Variants in HSPA6 observed in about 807,000 individuals in gnomAD.
The protein encoded by HSPA6 is heat shock 70 kDa protein 6.
For missense variants in HSPA6, 718 were observed against 860.9 expected, an observed-to-expected ratio of 0.83 and a Z score of 2.08; for synonymous variants, 312 against 368.2, an observed-to-expected ratio of 0.85 and a Z score of 1.75.
In HSPA6 at chr1:161,526,150, G is replaced by A; in HGVS notation, c.1492G>A (p.Gly498Ser). The change falls in exon 1 of 1, where the codon GGT (glycine) becomes AGT (serine). Residue 498 changes from glycine (G) to serine (S), a missense_variant. Transcript: ENST00000309758. ...LSVTATDRST[G>S]KANKITITND... is the part of the protein sequence containing the mutation. The stretch of plus-strand genomic sequence containing the variant: ...CGTGACAGCCACTGACAGGAGCACA[G>A]GTAAGGCTAACAAGATCACCATCAC... 6.2e-7 allele frequency: 1 copy of A among 1,613,816 alleles called. No individual in the cohort carries two copies. Among genetic ancestry groups the A allele is most frequent in the Non-Finnish European group, 8.5e-7 (1 of 1,179,878 alleles).
At position 161,525,148 on chromosome 1, in the gene HSPA6, G is replaced by A. The variant is rs1161607741; in HGVS notation, c.490G>A (p.Gly164Arg). Residue 164 changes from glycine to arginine, a missense_variant, in exon 1 of 1, where the codon GGG becomes AGG. By Grantham distance (125) the Gly-to-Arg change is moderately radical. Coordinates refer to ENST00000309758, the MANE Select transcript of HSPA6 (RefSeq NM_002155.5). ...GCAGCGCCAGGCCACCAAGGACGCG[G>A]GGGCCATCGCGGGGCTCAACGTGTT... ...DSQRQATKDA[G>R]AIAGLNVLRI... The A allele has an allele frequency of 6.2e-7, 1 of 1,613,894 alleles. No homozygotes were observed. The highest frequency in any genetic ancestry group is 1.7e-5 in the Admixed American group (1 of 60,014).
rs1486891751 is a variant in HSPA6, at chr1:161,525,605, T to C, written c.947T>C (p.Leu316Pro). The C allele has an allele frequency of 1.2e-6, 2 of 1,613,582 alleles. No homozygotes were observed. Among genetic ancestry groups the C allele is most frequent in the African/African-American group, 2.7e-5 (2 of 75,008 alleles). The change falls in exon 1 of 1, where the codon CTG becomes CCG. Residue 316 changes from leucine to proline, a missense_variant. Physicochemically the swap from Leu to Pro is moderately conservative, Grantham distance 98. Transcript: ENST00000309758. Reference protein sequence around the residue: ...ELCSDLFRSTLEPVEKALRDA... With the variant: ...ELCSDLFRSTPEPVEKALRDA... Reference sequence around the variant, plus strand: ...TGCTCAGACCTCTTCCGCAGCACCCTGGAGCCGGTGGAGAAGGCCCTGCGG... The same window carrying C: ...TGCTCAGACCTCTTCCGCAGCACCCCGGAGCCGGTGGAGAAGGCCCTGCGG...
rs1676683999 is a variant in HSPA6, at chr1:161,525,975, G to A, written c.1317G>A (p.Gly439=). The A allele has an allele frequency of 6.2e-7, 1 of 1,613,626 alleles. No homozygotes were observed. Among genetic ancestry groups the A allele is most frequent in the African/African-American group, 1.3e-5 (1 of 74,892 alleles). The part of the protein sequence containing the change: ...TFTTYSDNQP[G]VFIQVYEGER... ...CCACCTACTCGGACAACCAGCCTGG[G>A]GTCTTCATCCAGGTGTATGAGGGTG... Residue 439 remains glycine (G), a synonymous_variant, in exon 1 of 1, where the codon GGG becomes GGA. Coordinates refer to ENST00000309758, the MANE Select transcript of HSPA6 (RefSeq NM_002155.5).
chr1:161,525,265 G>A lies in HSPA6; in HGVS notation c.607G>A (p.Gly203Ser). Residue 203 changes from glycine to serine, a missense_variant, in exon 1 of 1, where the codon GGT becomes AGT. By Grantham distance (56) the Gly-to-Ser change is moderately conservative. Coordinates refer to ENST00000309758, the MANE Select transcript of HSPA6 (RefSeq NM_002155.5). ...GCGCAACGTGCTCATTTTTGACCTG[G>A]GTGGGGGCACCTTCGATGTGTCGGT... is the stretch of plus-strand genomic sequence containing the variant. ...GERNVLIFDL[G>S]GGTFDVSVLS... 1 of 1,614,062 alleles carries A rather than the reference G, an allele frequency of 6.2e-7. No homozygotes were observed. The highest frequency in any genetic ancestry group is 8.5e-7 in the Non-Finnish European group (1 of 1,179,964).
In HSPA6 at chr1:161,526,781, C is replaced by T. The variant is rs1224201262; in HGVS notation, c.*191C>T. Reference sequence around the variant, plus strand: ...TCCTCTTCTGCTTCAAATAAAAAGTCATTAATTTATTAAAACTTGTGTGGC... The same window carrying T: ...TCCTCTTCTGCTTCAAATAAAAAGTTATTAATTTATTAAAACTTGTGTGGC... On this transcript the variant is annotated 3_prime_UTR_variant, in exon 1 of 1. Transcript: ENST00000309758. 1.8e-5 allele frequency: 9 copies of T among 487,702 alleles called. No individual in the cohort carries two copies. Among genetic ancestry groups the T allele is most frequent in the Non-Finnish European group, 2.9e-5 (8 of 272,584 alleles). The allele number at this position is 487,702 out of a possible 1,614,324, so 30.2% of individuals were successfully genotyped here. A position where few individuals can be genotyped will look rare whatever the true frequency, so the allele number is the denominator to read the frequency against.
Position 161,524,975 on chromosome 1 carries a change from G to T in HSPA6, c.317G>T (p.Arg106Leu). ...AGCGAGGGCGGCAAGCCCAAGGTGCGCGTATGCTACCGCGGGGAGGACAAG... is the reference window on the plus strand; with the variant it reads ...AGCGAGGGCGGCAAGCCCAAGGTGCTCGTATGCTACCGCGGGGAGGACAAG... ...VVSEGGKPKVRVCYRGEDKTF... is the reference protein window; with the variant it reads ...VVSEGGKPKVLVCYRGEDKTF... Residue 106 changes from arginine to leucine, a missense_variant, in exon 1 of 1, where the codon CGC (arginine) becomes CTC (leucine). Physicochemically the swap from Arg to Leu is moderately radical, Grantham distance 102 (BLOSUM62 -2). Transcript: ENST00000309758. The T allele has an allele frequency of 1.9e-6, 3 of 1,613,516 alleles. No individual in the cohort carries two copies. Among genetic ancestry groups the T allele is most frequent in the Non-Finnish European group, 2.5e-6 (3 of 1,179,934 alleles).
chr1:161,524,584 C>T lies in HSPA6; in HGVS notation c.-75C>T, dbSNP rs1338551475. 3.7e-5 allele frequency: 50 copies of T among 1,353,214 alleles called. No individual in the cohort carries two copies. Among genetic ancestry groups the T allele is most frequent in the Non-Finnish European group, 1.4e-5 (14 of 985,294 alleles). The allele number at this position is 1,353,214 out of a possible 1,614,324, so 83.8% of individuals were successfully genotyped here. ...TGCAGAGAAACCGCAGGGAGAGCCTCACTGCTGAGCGCCCCTCGACGGCGG... is the reference window on the plus strand; with the variant it reads ...TGCAGAGAAACCGCAGGGAGAGCCTTACTGCTGAGCGCCCCTCGACGGCGG... On this transcript the variant is annotated 5_prime_UTR_variant, in exon 1 of 1. Transcript: ENST00000309758.
chr1:161,525,907 C>T lies in HSPA6; in HGVS notation c.1249C>T (p.Gln417Ter), dbSNP rs371404994. 2.3e-5 allele frequency: 37 copies of T among 1,601,018 alleles called. No homozygotes were observed. The East Asian group carries it at 3.1e-4, about 14-fold the overall frequency. ...AGGTGGGGTGATGACCACGCTGATC[C>T]AGAGGAACGCCACTATCCCCACCAA... Reference protein sequence around the residue: ...TAGGVMTTLIQRNATIPTKQT... With the variant: ...TAGGVMTTLI Residue 417 changes from glutamine (Q) to a stop codon, truncating the protein, a stop_gained, in exon 1 of 1, where the codon CAG becomes TAG. Transcript: ENST00000309758. LOFTEE classifies it low-confidence loss of function (END_TRUNC).
Position 161,525,066 on chromosome 1 carries a change from C to T in HSPA6, c.408C>T (p.Tyr136=), listed in dbSNP as rs1676636644. The change falls in exon 1 of 1, where the codon TAC becomes TAT. Residue 136 remains tyrosine, a synonymous_variant. Transcript: ENST00000309758. ...LSKMKETAEA[Y]LGQPVKHAVI... Reference sequence around the variant, plus strand: ...AGATGAAGGAGACGGCCGAGGCGTACCTGGGCCAGCCCGTGAAGCACGCAG... The same window carrying T: ...AGATGAAGGAGACGGCCGAGGCGTATCTGGGCCAGCCCGTGAAGCACGCAG... 1.9e-6 allele frequency: 3 copies of T among 1,613,252 alleles called. No homozygotes were observed. The highest frequency in any genetic ancestry group is 2.7e-5 in the African/African-American group (2 of 74,956).
At position 161,525,050 on chromosome 1, in the gene HSPA6, A is replaced by T. The variant is rs1196132353; in HGVS notation, c.392A>T (p.Glu131Val). The change falls in exon 1 of 1, where the codon GAG becomes GTG. Residue 131 changes from glutamate (E) to valine (V), a missense_variant. Transcript: ENST00000309758. ...TCCATGGTGCTGAGCAAGATGAAGGAGACGGCCGAGGCGTACCTGGGCCAG... is the reference window on the plus strand; with the variant it reads ...TCCATGGTGCTGAGCAAGATGAAGGTGACGGCCGAGGCGTACCTGGGCCAG... ...ISSMVLSKMK[E>V]TAEAYLGQPV... The T allele has an allele frequency of 1.2e-6, 2 of 1,612,842 alleles. No individual in the cohort carries two copies. The highest frequency in any genetic ancestry group is 1.3e-5 in the African/African-American group (1 of 74,808).
At position 161,525,190 on chromosome 1, in the gene HSPA6, C is replaced by G. The variant is rs41297710; in HGVS notation, c.532C>G (p.Pro178Ala). The change falls in exon 1 of 1, where the codon CCC (proline) becomes GCC (alanine). Residue 178 changes from proline (P) to alanine (A), a missense_variant. By Grantham distance (27) the Pro-to-Ala change is conservative (BLOSUM62 -1). Coordinates refer to ENST00000309758, the MANE Select transcript of HSPA6 (RefSeq NM_002155.5). ...CAACGTGTTGCGGATCATCAATGAG[C>G]CCACGGCAGCTGCCATCGCCTATGG... The part of the protein sequence containing the change: ...GLNVLRIINE[P>A]TAAAIAYGLD... The G allele has an allele frequency of 7.1e-5, 114 of 1,613,830 alleles. No individual in the cohort carries two copies. Among genetic ancestry groups the G allele is most frequent in the Non-Finnish European group, 8.9e-5 (105 of 1,179,960 alleles).
chr1:161,526,471 T>G lies in HSPA6; in HGVS notation c.1813T>G (p.Cys605Gly). The change falls in exon 1 of 1, where the codon TGT becomes GGT. Residue 605 changes from cysteine (C) to glycine (G), a missense_variant. By Grantham distance (159) the Cys-to-Gly change is radical (BLOSUM62 -3). Coordinates refer to ENST00000309758, the MANE Select transcript of HSPA6 (RefSeq NM_002155.5). ...TCAGAAGAGGGAGCTGGAGCAAATC[T>G]GTCGCCCCATCTTCTCCAGGCTCTA... ...EHQKRELEQI[C>G]RPIFSRLYGG... The G allele has an allele frequency of 6.3e-7, 1 of 1,589,058 alleles. No homozygotes were observed. Among genetic ancestry groups the G allele is most frequent in the Non-Finnish European group, 8.6e-7 (1 of 1,166,632 alleles).
chr1:161,525,385 T>C lies in HSPA6; in HGVS notation c.727T>C (p.Phe243Leu). 2 of 1,611,888 alleles carry C rather than the reference T, an allele frequency of 1.2e-6. No individual in the cohort carries two copies. The highest frequency in any genetic ancestry group is 8.5e-7 in the Non-Finnish European group (1 of 1,178,984). ...CTTCGACAACCGGCTCGTGAACCAC[T>C]TCATGGAAGAATTCCGGCGGAAGCA... ...EDFDNRLVNH[F>L]MEEFRRKHGK... is the part of the protein sequence containing the mutation. The change falls in exon 1 of 1, where the codon TTC becomes CTC. Residue 243 changes from phenylalanine to leucine, a missense_variant. By Grantham distance (22) the Phe-to-Leu change is conservative. Coordinates refer to ENST00000309758, the MANE Select transcript of HSPA6 (RefSeq NM_002155.5).
rs1676698012 is a variant in HSPA6, at chr1:161,526,287, G to A, written c.1629G>A (p.Ser543=). 2 of 1,611,866 alleles carry A rather than the reference G, an allele frequency of 1.2e-6. No homozygotes were observed. Among genetic ancestry groups the A allele is most frequent in the South Asian group, 1.1e-5 (1 of 90,804 alleles). ...GGGACAGAGTGGCTGCCAAAAACTC[G>A]CTGGAGGCCCATGTCTTCCATGTGA... The part of the protein sequence containing the change: ...AQRDRVAAKN[S]LEAHVFHVKG... The change falls in exon 1 of 1, where the codon TCG becomes TCA. Residue 543 remains serine, a synonymous_variant. Transcript: ENST00000309758.
Position 161,524,845 on chromosome 1 carries a change from C to T in HSPA6, c.187C>T (p.Leu63=), listed in dbSNP as rs748499940. The change falls in exon 1 of 1, where the codon CTG becomes TTG. Residue 63 remains leucine, a synonymous_variant. Transcript: ENST00000309758. ...VGDAAKSQAA[L]NPHNTVFDAK... ...GGACGCGGCCAAGAGCCAGGCGGCCCTGAACCCCCACAACACCGTGTTCGA... is the reference window on the plus strand; with the variant it reads ...GGACGCGGCCAAGAGCCAGGCGGCCTTGAACCCCCACAACACCGTGTTCGA... 282 of 1,610,698 alleles carry T rather than the reference C, an allele frequency of 1.8e-4. No homozygotes were observed. The highest frequency in any genetic ancestry group is 2.3e-4 in the Non-Finnish European group (266 of 1,178,906).
chr1:161,526,551 G>A lies in HSPA6; in HGVS notation c.1893G>A (p.Gly631=). The A allele has an allele frequency of 6.3e-7, 1 of 1,584,964 alleles. No homozygotes were observed. The highest frequency in any genetic ancestry group is 8.6e-7 in the Non-Finnish European group (1 of 1,163,664). The change falls in exon 1 of 1, where the codon GGG becomes GGA. Residue 631 remains glycine, a synonymous_variant. Transcript: ENST00000309758. ...GTTGTGGCACTCAAGCCCGCCAGGGGGACCCCAGCACCGGCCCCATCATTG... is the reference window on the plus strand; with the variant it reads ...GTTGTGGCACTCAAGCCCGCCAGGGAGACCCCAGCACCGGCCCCATCATTG... ...GSSCGTQARQ[G]DPSTGPIIEE...
Position 161,526,515 on chromosome 1 carries a change from T to C in HSPA6, c.1857T>C (p.Pro619=). ...GGCTCTATGGGGGGCCTGGTGTCCC[T>C]GGGGGCAGCAGTTGTGGCACTCAAG... ...FSRLYGGPGV[P]GGSSCGTQAR... Residue 619 remains proline (P), a synonymous_variant, in exon 1 of 1, where the codon CCT becomes CCC. Coordinates refer to ENST00000309758, the MANE Select transcript of HSPA6 (RefSeq NM_002155.5). The C allele has an allele frequency of 6.2e-7, 1 of 1,601,024 alleles. No individual in the cohort carries two copies. The highest frequency in any genetic ancestry group is 1.1e-5 in the South Asian group (1 of 89,536).
chr1:161,526,341 G>A lies in HSPA6; in HGVS notation c.1683G>A (p.Arg561=), dbSNP rs766989672. The change falls in exon 1 of 1, where the codon AGG becomes AGA. Residue 561 remains arginine, a synonymous_variant. Coordinates refer to ENST00000309758, the MANE Select transcript of HSPA6 (RefSeq NM_002155.5). ...VKGSLQEESL[R]DKIPEEDRRK... ...GTTCTTTGCAAGAGGAAAGCCTTAGGGACAAGATTCCCGAAGAGGACAGGC... is the reference window on the plus strand; with the variant it reads ...GTTCTTTGCAAGAGGAAAGCCTTAGAGACAAGATTCCCGAAGAGGACAGGC... 37 of 1,604,726 alleles carry A rather than the reference G, an allele frequency of 2.3e-5. No individual in the cohort carries two copies. The highest frequency in any genetic ancestry group is 3.4e-5 in the Admixed American group (2 of 58,460).
At position 161,526,568 on chromosome 1, in the gene HSPA6, C is replaced by G. The variant is rs771849888; in HGVS notation, c.1910C>G (p.Pro637Arg). ...QARQGDPSTG[P>R]IIEEVD ...CGCCAGGGGGACCCCAGCACCGGCC[C>G]CATCATTGAGGAGGTTGATTGAATG... Residue 637 changes from proline to arginine, a missense_variant, in exon 1 of 1, where the codon CCC (proline) becomes CGC (arginine). Physicochemically the swap from Pro to Arg is moderately radical, Grantham distance 103 (BLOSUM62 -2). Coordinates refer to ENST00000309758, the MANE Select transcript of HSPA6 (RefSeq NM_002155.5). The G allele has an allele frequency of 6.4e-7, 1 of 1,552,266 alleles. No individual in the cohort carries two copies. Among genetic ancestry groups the G allele is most frequent in the Non-Finnish European group, 8.7e-7 (1 of 1,149,302 alleles).
Sources: gnomAD v4.1 joint callset for allele counts on GRCh38, gnomAD v4.1.1 for gene constraint, MANE v1.5 for transcripts, NCBI Gene and HGNC (gene_info 2026-07-23, HGNC 2026-07-21) for gene names.